The following DGKI variants were observed in gnomAD, a reference collection of about 807,000 sequenced individuals.
DGKI encodes the protein diacylglycerol kinase iota, also known as DAG kinase iota.
DGKI carries 55 observed loss-of-function variants against 147.5 expected under a neutral mutation model. The ratio of observed to expected loss-of-function variants is 0.37; its 90% confidence interval spans 0.30 to 0.47. DGKI has a LOEUF of 0.47. Ranked by LOEUF, DGKI falls within the 20% of genes least tolerant of loss-of-function variation. The pLI, the probability that DGKI is intolerant of heterozygous loss-of-function variation, is 1.00. For missense variants in DGKI, 1,007 were observed against 1,323.8 expected, an observed-to-expected ratio of 0.76 and a Z score of 3.71; for synonymous variants, 469 against 477.1, an observed-to-expected ratio of 0.98 and a Z score of 0.22.
chr7:137,564,931 A>T (rs1818533870), intron 19 of DGKI, among the ~76,000 whole-genome samples: 2 of 152,248 alleles, frequency 1.3e-5, no homozygotes, highest in Admixed American at 6.5e-5. Context: ...GGCCGGCCCC[A>T]GGAACTCTGT....
chr7:137,617,420 A>G (rs1314846531), intron 8 of DGKI, among the ~76,000 whole-genome samples: 1 of 152,196 alleles, frequency 6.6e-6, no homozygotes, highest in Non-Finnish European at 1.5e-5. Context: ...CAGTAAAAAA[A>G]GATATATTTT....
chr7:137,713,599 G>A (rs1794280529), intron 1 of DGKI, among the ~76,000 whole-genome samples: 1 of 152,040 alleles, frequency 6.6e-6, no homozygotes, highest in Non-Finnish European at 1.5e-5. Flanking sequence ...TTTTGTAGAG[G>A]TTGCCATTAA....
In DGKI at chr7:137,595,761, T is replaced by C. The variant is rs554258020; in HGVS notation, c.1311+2086A>G. On this transcript the variant is annotated intron_variant, in intron 12 of 32. Coordinates refer to ENST00000614521, the MANE Select transcript of DGKI (RefSeq NM_001321708.2). ...GTTCACACCTGTAATCCCAGCACTT[T>C]GGGAGGCCGAGGCAGGTGGATCACG... Among the ~76,000 whole-genome samples, 5 of 152,012 alleles carry C rather than the reference T, an allele frequency of 3.3e-5. No individual in the cohort carries two copies. In the South Asian group the frequency reaches 1.0e-3, roughly 32 times the overall value.
At chr7:137,706,816 C>A (rs1794045268) in intron 1 of DGKI, among the ~76,000 whole-genome samples, 1 of 152,050 alleles carries the variant, frequency 6.6e-6, no homozygotes, top group Non-Finnish European at 1.5e-5. Context: ...TCGTGATCCA[C>A]CCACCTCGGC....
At chr7:137,662,719 G>A (rs184993742) in intron 3 of DGKI, among the ~76,000 whole-genome samples, 82 of 152,238 alleles carry the variant, frequency 5.4e-4, no homozygotes, top group African/African-American at 1.4e-3. Flanking sequence ...CATGTTAAAA[G>A]GTCCCAGCCC....
chr7:137,766,837 C>T (rs935429663), intron 1 of DGKI, among the ~76,000 whole-genome samples: 4 of 152,268 alleles, frequency 2.6e-5, no homozygotes, highest in Middle Eastern at 3.4e-3. Context: ...TTTCCCACTC[C>T]AAACTTGGCT....
chr7:137,822,611 C>T (rs948475558), intron 1 of DGKI, among the ~76,000 whole-genome samples: 7 of 152,036 alleles, frequency 4.6e-5, no homozygotes, highest in Non-Finnish European at 2.9e-5. Context: ...CTTTTGGGGC[C>T]TCTCTCTTAA....
chr7:137,691,942 C>A (rs1404345642), intron 1 of DGKI, among the ~76,000 whole-genome samples: 1 of 151,698 alleles, frequency 6.6e-6, no homozygotes, highest in Non-Finnish European at 1.5e-5. Flanking sequence ...GGGTAACAGA[C>A]AATTTACTTG....
chr7:137,392,905 A>G (rs1181554756), intron 32 of DGKI, among the ~76,000 whole-genome samples: 3 of 152,224 alleles, frequency 2.0e-5, no homozygotes, highest in African/African-American at 4.8e-5. Context: ...TTAAACTAGC[A>G]TCAAGTTACA....
intron 18 of DGKI, 50 bp downstream of exon 18, chr7:137,572,715 T>C: frequency 7.7e-7 from 1 of 1,299,000 alleles, no homozygotes; most frequent in Non-Finnish European, 1.1e-6. Context: ...ACAGATAACC[T>C]CAAGTCAGAG....
At chr7:137,416,034 G>A (rs1427630236) in intron 28 of DGKI, among the ~76,000 whole-genome samples, 1 of 151,838 alleles carries the variant, frequency 6.6e-6, no homozygotes, top group Non-Finnish European at 1.5e-5. Flanking sequence ...AATAGCCTAT[G>A]TTCTCAAGAC....
chr7:137,515,177 C>G lies in DGKI; in HGVS notation c.2248+6689G>C, dbSNP rs142005397. 2.5e-3 allele frequency among the ~76,000 whole-genome samples: 386 copies of G among 152,314 alleles called. 3 individuals carry two copies. The highest frequency in any genetic ancestry group is 8.9e-3 in the African/African-American group (369 of 41,568). On this transcript the variant is annotated intron_variant, in intron 21 of 32. Coordinates refer to ENST00000614521, the MANE Select transcript of DGKI (RefSeq NM_001321708.2). ...ACATGCACTCTTTTTGTTCTGGTCT[C>G]TCTTTAAATGTCACTTCTTCAGAAA...
rs552109660 is a variant in DGKI at position 137,708,722 on chromosome 7, C to T, written c.402-18720G>A. On this transcript the variant is annotated intron_variant, in intron 1 of 32. Coordinates refer to ENST00000614521, the MANE Select transcript of DGKI (RefSeq NM_001321708.2). The stretch of plus-strand genomic sequence containing the variant: ...ATCTCAGGGGAAAAACCAGACAATA[C>T]ATAAGTAAGCAAATGCATGAATTAT... Among the ~76,000 whole-genome samples, 49 of 152,202 alleles carry T rather than the reference C, an allele frequency of 3.2e-4. No homozygotes were observed. The South Asian group carries it at 6.9e-3, about 21-fold the overall frequency.
intron 27 of DGKI, 103 bp downstream of exon 27, chr7:137,463,386 G>C: frequency 6.7e-7 from 1 of 1,485,970 alleles, no homozygotes; most frequent in African/African-American, 1.4e-5. Flanking sequence ...CAGCCTGAGC[G>C]CCATTGAAAA....
chr7:137,687,729 T>C (rs1823468808), intron 2 of DGKI, among the ~76,000 whole-genome samples: 1 of 152,188 alleles, frequency 6.6e-6, no homozygotes, highest in Admixed American at 6.5e-5. Context: ...GAGTAACATC[T>C]CATAACTCCT....
intron 28 of DGKI, among the ~76,000 whole-genome samples, chr7:137,433,982 G>A (rs184819975): frequency 2.6e-4 from 40 of 152,184 alleles, no homozygotes; most frequent in Non-Finnish European, 4.7e-4. Flanking sequence ...AGCCGGCCAT[G>A]GTAGCACACA....
intron 20 of DGKI, among the ~76,000 whole-genome samples, chr7:137,525,911 G>C (rs1817128089): frequency 2.0e-5 from 3 of 152,128 alleles, no homozygotes; most frequent in South Asian, 4.2e-4. Flanking sequence ...TGTCTAGCTT[G>C]GCTGGTGGCA....
At chr7:137,659,840 G>C (rs1822359463) in intron 3 of DGKI, among the ~76,000 whole-genome samples, 1 of 152,318 alleles carries the variant, frequency 6.6e-6, no homozygotes, top group South Asian at 2.1e-4. Flanking sequence ...GGCTGAGGCA[G>C]GAGAACGGCG....
In DGKI at chr7:137,395,690, T is replaced by C; in HGVS notation, c.2965A>G (p.Thr989Ala). ...LDMADSETGE[T>A]ALHKAACQRN... ...TGGCAGGCAGCCTTGTGCAGTGCAGTCTCACCCCTAAATCAAAGATGAAAT... is the reference window on the plus strand; with the variant it reads ...TGGCAGGCAGCCTTGTGCAGTGCAGCCTCACCCCTAAATCAAAGATGAAAT... The change falls in exon 32 of 33, where the codon ACT becomes GCT. Residue 989 changes from threonine (T) to alanine (A), a missense_variant. Physicochemically the swap from Thr to Ala is moderately conservative, Grantham distance 58. Transcript: ENST00000614521. The C allele has an allele frequency of 6.2e-7, 1 of 1,613,806 alleles. No individual in the cohort carries two copies.
Sources: allele counts gnomAD v4.1 joint callset (sites outside exome capture counted in the v4.1 genomes callset), GRCh38; gene constraint gnomAD v4.1.1; transcripts MANE v1.5; gene names NCBI Gene and HGNC (gene_info 2026-07-23, HGNC 2026-07-21).